Variants in HSPA12A observed in about 807,000 individuals in gnomAD.
HSPA12A encodes heat shock protein family A (Hsp70) member 12A, also known as heat shock 70 kDa protein 12A.
In HSPA12A, 28 loss-of-function variants were observed where a neutral mutation model predicts 69.2. That is an observed-to-expected ratio of 0.40 (90% CI 0.30 to 0.55). The LOEUF (loss-of-function observed/expected upper bound fraction) is 0.55, where lower values mean the gene tolerates loss of function less well. HSPA12A is among the 20% of genes least tolerant of loss of function. HSPA12A has a pLI of 0.38. For missense variants in HSPA12A, 686 were observed against 900.7 expected, an observed-to-expected ratio of 0.76 and a Z score of 3.05; for synonymous variants, 345 against 370.5, an observed-to-expected ratio of 0.93 and a Z score of 0.79.
rs557691114 is a variant in HSPA12A, at chr10:116,732,057, G to A, written c.40+10373C>T. Reference sequence around the variant, plus strand: ...GCAGAAGTAAGAGACAGGGCCAGGGGTGGTGGCTCATGCCTGTAATCCCAG... The same window carrying A: ...GCAGAAGTAAGAGACAGGGCCAGGGATGGTGGCTCATGCCTGTAATCCCAG... On this transcript the variant is annotated intron_variant, in intron 1 of 11. Coordinates refer to ENST00000369209, the MANE Select transcript of HSPA12A (RefSeq NM_025015.3). 3.9e-5 allele frequency among the ~76,000 whole-genome samples: 6 copies of A among 152,136 alleles called. No homozygotes were observed. In the East Asian group the frequency reaches 1.2e-3, roughly 29 times the overall value.
chr10:116,800,672 A>T (rs1040182686), intron 2 of HSPA12A, among the ~76,000 whole-genome samples: 1 of 152,184 alleles, frequency 6.6e-6, no homozygotes, highest in Non-Finnish European at 1.5e-5. Flanking sequence ...GCTGGAAAAA[A>T]TGGGGTCCTT....
chr10:116,677,274 G>A lies in HSPA12A; in HGVS notation c.1287-772C>T, dbSNP rs1430047593. 2.4e-4 allele frequency among the ~76,000 whole-genome samples: 37 copies of A among 152,180 alleles called. 2 individuals carry two copies. Among genetic ancestry groups the A allele is most frequent in the Non-Finnish European group, 7.3e-5 (5 of 68,030 alleles). On this transcript the variant is annotated intron_variant, in intron 10 of 11. Transcript: ENST00000369209. ...GACTGTGTATTCCCCAAACCCACAG[G>A]GCGTGCCCCTCCTGTTCTCAGAGGC...
At chr10:116,832,574 C>T (rs1434396462) in intron 2 of HSPA12A, 2 of 152,234 alleles carry the variant, frequency 1.3e-5, no homozygotes, top group Non-Finnish European at 2.9e-5. Flanking sequence ...AGTCATCATT[C>T]AGGAGGTCAG....
intron 2 of HSPA12A, among the ~76,000 whole-genome samples, chr10:116,767,334 C>A (rs962493114): frequency 1.3e-5 from 2 of 152,138 alleles, no homozygotes; most frequent in Non-Finnish European, 2.9e-5. Flanking sequence ...CTGTGTTCAT[C>A]CCCCTTCCTC....
At chr10:116,703,722 G>C (rs1554881892) in intron 3 of HSPA12A, among the ~76,000 whole-genome samples, 3 of 152,204 alleles carry the variant, frequency 2.0e-5, no homozygotes, top group African/African-American at 7.2e-5. Context: ...GTCATACCCT[G>C]CAAGAAGATC....
chr10:116,780,498 C>T (rs922886845), intron 2 of HSPA12A, among the ~76,000 whole-genome samples: 11 of 150,938 alleles, frequency 7.3e-5, no homozygotes, highest in Non-Finnish European at 1.2e-4. Context: ...AGCACAGGTA[C>T]GCACCACCAC....
intron 2 of HSPA12A, among the ~76,000 whole-genome samples, chr10:116,791,960 T>C (rs1844708915): frequency 6.6e-6 from 1 of 152,124 alleles, no homozygotes; most frequent in Non-Finnish European, 1.5e-5. Flanking sequence ...CCCAGGTGTC[T>C]CTGTTCTCTT....
intron 1 of HSPA12A, among the ~76,000 whole-genome samples, chr10:116,738,011 G>A (rs927083405): frequency 1.3e-5 from 2 of 152,212 alleles, no homozygotes; most frequent in East Asian, 3.8e-4. Context: ...CCTGCCACAC[G>A]CTGCTCATTC....
intron 1 of HSPA12A, among the ~76,000 whole-genome samples, chr10:116,845,159 T>C (rs999006993): frequency 6.6e-6 from 1 of 152,204 alleles, no homozygotes; most frequent in African/African-American, 2.4e-5. Context: ...CACTGATGGC[T>C]TGCCCATAAA....
intron 5 of HSPA12A, among the ~76,000 whole-genome samples, chr10:116,693,098 G>A (rs754162453): frequency 6.6e-6 from 1 of 152,126 alleles, no homozygotes; most frequent in African/African-American, 2.4e-5. Flanking sequence ...GTTGTTACAC[G>A]TGGTCCCATA....
chr10:116,850,593 G>A (rs1483434844), upstream of HSPA12A, among the ~76,000 whole-genome samples: 1 of 151,976 alleles, frequency 6.6e-6, no homozygotes, highest in Non-Finnish European at 1.5e-5. Context: ...ACACCAAGCA[G>A]AAGGAGTCCT....
chr10:116,759,572 G>A (rs1247291869), intron 2 of HSPA12A, among the ~76,000 whole-genome samples: 2 of 152,216 alleles, frequency 1.3e-5, no homozygotes, highest in African/African-American at 4.8e-5. Context: ...CCATGAGGAT[G>A]AACAAATTCA....
At chr10:116,683,634 G>A in intron 7 of HSPA12A, 157 bp downstream of exon 7, 1 of 595,758 alleles carries the variant, frequency 1.7e-6, no homozygotes. Flanking sequence ...GGCCAGGTAG[G>A]GGGGCTGAGC....
intron 2 of HSPA12A, chr10:116,830,463 C>T (rs1437310072): frequency 6.6e-6 from 1 of 152,080 alleles, no homozygotes; most frequent in Non-Finnish European, 1.5e-5. Context: ...TATGTATATG[C>T]TACACATGTA....
intron 6 of HSPA12A, among the ~76,000 whole-genome samples, chr10:116,691,991 AG>A (rs1416223039): frequency 6.6e-6 from 1 of 152,234 alleles, no homozygotes; most frequent in Non-Finnish European, 1.5e-5. Flanking sequence ...CTGTTTCCCA[AG>A]CCTTTCCCTT....
chr10:116,677,037 T>C (rs989873694), intron 10 of HSPA12A, among the ~76,000 whole-genome samples: 2 of 151,914 alleles, frequency 1.3e-5, no homozygotes, highest in Admixed American at 6.6e-5. Context: ...GAATCCAGGA[T>C]TGTGGGGCTC....
At chr10:116,824,373 T>C (rs1845461111) in intron 2 of HSPA12A, among the ~76,000 whole-genome samples, 1 of 152,192 alleles carries the variant, frequency 6.6e-6, no homozygotes, top group South Asian at 2.1e-4. Context: ...AATATAGAGT[T>C]ACCATATGCC....
In HSPA12A at chr10:116,675,942, T is replaced by C. The variant is rs945528230; in HGVS notation, c.1390+457A>G. On this transcript the variant is annotated intron_variant, in intron 11 of 11. Transcript: ENST00000369209. This position sits in a 1 kb window ranked among gnomAD's most constrained non-coding sequence, Gnocchi z 5.2. Reference sequence around the variant, plus strand: ...ATTCCATTTGCTTGCAGAACTTCCTTTGATTCACACAACAGTTCCTTCTCC... The same window carrying C: ...ATTCCATTTGCTTGCAGAACTTCCTCTGATTCACACAACAGTTCCTTCTCC... 9.9e-5 allele frequency among the ~76,000 whole-genome samples: 15 copies of C among 152,148 alleles called. No individual in the cohort carries two copies. The highest frequency in any genetic ancestry group is 1.8e-4 in the Non-Finnish European group (12 of 68,024).
intron 4 of HSPA12A, among the ~76,000 whole-genome samples, chr10:116,700,387 T>TGGGAG (rs1207426926): frequency 1.3e-5 from 2 of 152,204 alleles, no homozygotes; most frequent in Non-Finnish European, 2.9e-5. Flanking sequence ...ACTGGCTTGC[T>TGGGAG]GGGAGCTGAG....
Sources: gnomAD v4.1 joint callset for allele counts (sites outside exome capture counted in the v4.1 genomes callset) on GRCh38, gnomAD v4.1.1 for gene constraint, Gnocchi (gnomAD v3.1) non-coding constraint, MANE v1.5 for transcripts, NCBI Gene and HGNC (gene_info 2026-07-23, HGNC 2026-07-21) for gene names.